Variants in GPLD1 observed in about 807,000 individuals in gnomAD.
GPLD1 encodes the protein glycosylphosphatidylinositol specific phospholipase D1, also known as phosphatidylinositol-glycan-specific phospholipase D.
Under a neutral mutation model 112.6 loss-of-function variants are expected in GPLD1, and 84 were observed. The ratio of observed to expected loss-of-function variants is 0.75; its 90% CI spans 0.63 to 0.89. The LOEUF is 0.89. GPLD1 is among the 40% of genes least tolerant of loss of function. The pLI, the probability that GPLD1 is intolerant of heterozygous loss-of-function variation, is 0.00. For missense variants in GPLD1, 1,044 were observed against 1,051.5 expected, an observed-to-expected ratio of 0.99 and a Z score of 0.10; for synonymous variants, 386 against 403.8, an observed-to-expected ratio of 0.96 and a Z score of 0.53.
chr6:24,435,883 T>C (rs998712294), intron 22 of GPLD1: 1 of 129,550 alleles, frequency 7.7e-6, no homozygotes, highest in Non-Finnish European at 1.7e-5. Context: ...GCCCAGGAAA[T>C]GTAACTTAAG....
chr6:24,424,800 A>G (rs907660734), downstream of GPLD1: 4 of 152,222 alleles, frequency 2.6e-5, no homozygotes, highest in African/African-American at 9.6e-5. Context: ...CCCTGATGAT[A>G]TTGAGGGTAC....
intron 7 of GPLD1, among the ~76,000 whole-genome samples, chr6:24,467,830 G>A (rs1257903240): frequency 6.6e-6 from 1 of 152,030 alleles, no homozygotes; most frequent in Non-Finnish European, 1.5e-5. Context: ...GAAAAGTCAA[G>A]CTGGGAACCG....
chr6:24,437,033 G>A (rs1762600676), intron 21 of GPLD1, 80 bp downstream of exon 21: 1 of 1,269,722 alleles, frequency 7.9e-7, no homozygotes, highest in Non-Finnish European at 1.1e-6. Flanking sequence ...TAAGGGCAGA[G>A]CCCAGATGAC....
At position 24,427,966 on chromosome 6, in the gene GPLD1, AT is replaced by A. The variant is rs756682914; in HGVS notation, c.*1065del. On this transcript the variant is annotated 3_prime_UTR_variant, in exon 25 of 25. Transcript: ENST00000230036. ...AGTGGGTGCTAAGTTAAAAGAACTT[AT>A]GAACACAAAACAACACACACTGGGG... Among the ~76,000 whole-genome samples, 49 of 152,176 alleles carry A rather than the reference AT, an allele frequency of 3.2e-4. No homozygotes were observed. The highest frequency in any genetic ancestry group is 5.4e-4 in the Non-Finnish European group (37 of 68,018).
chr6:24,473,656 G>T lies in GPLD1; in HGVS notation c.453C>A (p.His151Gln), dbSNP rs149870664. 9 of 1,605,396 alleles carry T rather than the reference G, an allele frequency of 5.6e-6. No homozygotes were observed. Among genetic ancestry groups the T allele is most frequent in the Middle Eastern group, 3.3e-4 (2 of 6,062 alleles). The change falls in exon 6 of 25, where the codon CAC (histidine) becomes CAA (glutamine). Residue 151 changes from histidine to glutamine, a missense_variant. Physicochemically the swap from His to Gln is conservative, Grantham distance 24. Coordinates refer to ENST00000230036, the MANE Select transcript of GPLD1 (RefSeq NM_001503.4). ...FLRTMGAIDF[H>Q]GSYSEAHSAG... ...CCGAATGAGCCTCTGAATAGGAGCC[G>T]TGAAAATCAATCTAAGAAAGAAAGA...
chr6:24,471,472 G>C (rs1250358844), intron 7 of GPLD1, among the ~76,000 whole-genome samples: 1 of 151,008 alleles, frequency 6.6e-6, no homozygotes, highest in Non-Finnish European at 1.5e-5. Flanking sequence ...CAAAAAAAAA[G>C]ACAGAAAGAA....
At chr6:24,483,178 A>C (rs1198413662) in intron 2 of GPLD1, among the ~76,000 whole-genome samples, 2 of 151,376 alleles carry the variant, frequency 1.3e-5, no homozygotes, top group Non-Finnish European at 2.9e-5. Context: ...AAATACAAAA[A>C]TTAGTGGGGC....
intron 7 of GPLD1, among the ~76,000 whole-genome samples, chr6:24,471,182 T>A (rs1291400808): frequency 6.6e-6 from 1 of 152,106 alleles, no homozygotes; most frequent in South Asian, 2.1e-4. Flanking sequence ...AACTGACCCA[T>A]ACATATACAT....
At chr6:24,424,616 T>C (rs1419553951), downstream of GPLD1, 1 of 152,208 alleles carries the variant, frequency 6.6e-6, no homozygotes, top group Non-Finnish European at 1.5e-5. Context: ...TTTGTAAGCC[T>C]GAAAGCTGCC....
intron 2 of GPLD1, among the ~76,000 whole-genome samples, chr6:24,483,306 A>AAT (rs1444065273): frequency 2.1e-4 from 31 of 151,128 alleles, no homozygotes; most frequent in African/African-American, 7.0e-4. Flanking sequence ...CCAGTCTTAA[A>AAT]ATATATATAT....
chr6:24,486,477 C>T (rs1378242480), intron 1 of GPLD1, among the ~76,000 whole-genome samples: 1 of 152,158 alleles, frequency 6.6e-6, no homozygotes, highest in Non-Finnish European at 1.5e-5. Context: ...ATAATAAATG[C>T]TAAGTGACAA....
chr6:24,438,393 G>C (rs1308913401), intron 20 of GPLD1, among the ~76,000 whole-genome samples: 1 of 152,208 alleles, frequency 6.6e-6, no homozygotes, highest in African/African-American at 2.4e-5. Context: ...GGGGCTAGTG[G>C]CCCTCTGAGA....
At chr6:24,465,080 A>C (rs1380512045) in intron 10 of GPLD1, among the ~76,000 whole-genome samples, 1 of 151,710 alleles carries the variant, frequency 6.6e-6, no homozygotes, top group African/African-American at 2.4e-5. Context: ...ACCTGTAGTC[A>C]TAACTACTCG....
chr6:24,457,444 G>T (rs1366059451), intron 12 of GPLD1, among the ~76,000 whole-genome samples: 1 of 152,150 alleles, frequency 6.6e-6, no homozygotes, highest in Non-Finnish European at 1.5e-5. Flanking sequence ...TCTCACCATT[G>T]CACTCCAGCC....
rs1475187332 is a variant in GPLD1, at chr6:24,425,835, T to TA, written c.*3196dup. ...ACTGTTAAGCAGCACTAACCAATTT[T>TA]ATATTAAAAAGCTATTTATTTTGGT... On this transcript the variant is annotated 3_prime_UTR_variant, in exon 25 of 25. Transcript: ENST00000230036. 3 of 152,264 alleles carry TA rather than the reference T, an allele frequency of 2.0e-5. No homozygotes were observed. The highest frequency in any genetic ancestry group is 7.2e-5 in the African/African-American group (3 of 41,476). 9.4% of individuals were successfully genotyped at this position (152,264 alleles called of 1,614,324 possible). A position where few individuals can be genotyped will look rare whatever the true frequency, so the allele number is the denominator to read the frequency against.
intron 20 of GPLD1, among the ~76,000 whole-genome samples, 167 bp from the exon 21 acceptor site, chr6:24,437,456 C>G (rs1198501039): frequency 6.6e-6 from 1 of 152,194 alleles, no homozygotes; most frequent in Non-Finnish European, 1.5e-5. Context: ...GCTTGGGCAC[C>G]AAGGCACAAA....
intron 3 of GPLD1, among the ~76,000 whole-genome samples, chr6:24,477,751 T>TAA (rs11374680): frequency 7.3e-5 from 11 of 151,604 alleles, no homozygotes; most frequent in South Asian, 2.1e-4. Flanking sequence ...AAAATAACTT[T>TAA]AAAAAAAAGG....
At chr6:24,431,535 C>CTTT (rs59056170) in intron 24 of GPLD1, among the ~76,000 whole-genome samples, 1 of 139,052 alleles carries the variant, frequency 7.2e-6, no homozygotes, top group South Asian at 2.3e-4. Context: ...TAAGGTTAAA[C>CTTT]TTTTTTTTTT....
Position 24,448,141 on chromosome 6 carries a change from G to A in GPLD1, c.1514C>T (p.Ser505Phe). 3 of 1,611,826 alleles carry A rather than the reference G, an allele frequency of 1.9e-6. No homozygotes were observed. Among genetic ancestry groups the A allele is most frequent in the Non-Finnish European group, 2.5e-6 (3 of 1,179,224 alleles). ...CTAAAGTGGTAAACATACCTGGCAA[G>A]AAATGGTGATGTTAGGGGAAGAAGA... ...GMSSSPNITISCQDIYCNLGW... is the reference protein window; with the variant it reads ...GMSSSPNITIFCQDIYCNLGW... Residue 505 changes from serine (S) to phenylalanine (F), a missense_variant, in exon 16 of 25, where the codon TCT becomes TTT. By Grantham distance (155) the Ser-to-Phe change is radical (BLOSUM62 -2). Transcript: ENST00000230036.
Sources: allele counts gnomAD v4.1 joint callset (sites outside exome capture counted in the v4.1 genomes callset), GRCh38; gene constraint gnomAD v4.1.1; transcripts MANE v1.5; gene names NCBI Gene and HGNC (gene_info 2026-07-23, HGNC 2026-07-21).